Variants in ZC3H13 observed in about 807,000 individuals in gnomAD.
ZC3H13 encodes zinc finger CCCH domain-containing protein 13.
A neutral mutation model predicts 204.1 loss-of-function variants in ZC3H13; 64 were observed. That is an observed-to-expected ratio of 0.31 (90% CI 0.26 to 0.39). ZC3H13 has a LOEUF of 0.39. Ranked by LOEUF, ZC3H13 falls within the 10% of genes least tolerant of loss-of-function variation. The pLI is 1.00. For missense variants in ZC3H13, 1,833 were observed against 2,082.7 expected, an observed-to-expected ratio of 0.88 and a Z score of 2.33; for synonymous variants, 667 against 693.7, an observed-to-expected ratio of 0.96 and a Z score of 0.60.
chr13:46,021,621 T>C (rs2138829659), intron 4 of ZC3H13, among the ~76,000 whole-genome samples: 1 of 152,046 alleles, frequency 6.6e-6, no homozygotes, highest in East Asian at 1.9e-4. Flanking sequence ...GAAGTCATAC[T>C]GTAAATATTA....
chr13:45,977,741 A>G (rs1953181586), intron 11 of ZC3H13, among the ~76,000 whole-genome samples: 1 of 150,570 alleles, frequency 6.6e-6, no homozygotes, highest in African/African-American at 2.5e-5. Flanking sequence ...TGTCATCAAC[A>G]GTCTAACTAA....
At position 45,962,613 on chromosome 13, in the gene ZC3H13, C is replaced by T. The variant is rs1951769321; in HGVS notation, c.4675+1229G>A. ...ATTATATGTATTTTGTACATGTATA[C>T]TCTAGGTTTATTGGGCTATATTAAA... On this transcript the variant is annotated intron_variant, in intron 17 of 18. Transcript: ENST00000679008. 4 of 984,420 alleles carry T rather than the reference C, an allele frequency of 4.1e-6. No homozygotes were observed. The African/African-American group carries it at 5.2e-5, about 13-fold the overall frequency. The allele number at this position is 984,420 out of a possible 1,614,324, so 61.0% of individuals were successfully genotyped here.
At position 45,969,647 on chromosome 13, in the gene ZC3H13, G is replaced by A; in HGVS notation, c.2897C>T (p.Pro966Leu). The change falls in exon 14 of 19, where the codon CCA (proline) becomes CTA (leucine). Residue 966 changes from proline to leucine, a missense_variant. Pro to Leu is a moderately conservative substitution (Grantham distance 98). Around this residue, in one of 5 missense-constraint regions of ZC3H13, gnomAD observed 1,574 missense variants for 1,757.2 expected, o/e 0.90. Transcript: ENST00000679008. ...ATCATCCTCTTTCTTTTTCTTAATT[G>A]GTTTCTTTTGAATTTTTGCTTTCTT... ...NKKKAKIQKK[P>L]IKKKKEDDVG... 8.1e-6 allele frequency: 13 copies of A among 1,607,304 alleles called. No individual in the cohort carries two copies. The highest frequency in any genetic ancestry group is 1.1e-5 in the Non-Finnish European group (13 of 1,178,576).
At chr13:46,032,870 T>C (rs2042984701) in intron 4 of ZC3H13, among the ~76,000 whole-genome samples, 1 of 152,086 alleles carries the variant, frequency 6.6e-6, no homozygotes, top group Non-Finnish European at 1.5e-5. Flanking sequence ...TGGTACAGTG[T>C]TAAGTTAAAA....
chr13:45,979,572 C>T (rs1953366772), intron 11 of ZC3H13, among the ~76,000 whole-genome samples: 1 of 152,108 alleles, frequency 6.6e-6, no homozygotes, highest in Non-Finnish European at 1.5e-5. Context: ...GAGAAACACA[C>T]AGTAGGGCAC....
chr13:45,962,540 G>T (rs887702177), intron 17 of ZC3H13: 8 of 984,682 alleles, frequency 8.1e-6, no homozygotes, highest in Non-Finnish European at 8.4e-6. Flanking sequence ...AGATACAGTA[G>T]GGCAAGAACT....
rs1007320388 is a variant in ZC3H13 at position 45,955,932 on chromosome 13, C to G, written c.*1195G>C. The G allele has an allele frequency of 6.6e-6, 1 of 152,110 alleles. No homozygotes were observed. The highest frequency in any genetic ancestry group is 2.4e-5 in the African/African-American group (1 of 41,444). 9.4% of individuals were successfully genotyped at this position (152,110 alleles called of 1,614,324 possible). On this transcript the variant is annotated 3_prime_UTR_variant, in exon 19 of 19. Transcript: ENST00000679008. ...GTAATATGGGCTTACAATTATAACA[C>G]AAACCTGTGAGAGGGCATGATAAAA...
chr13:45,975,984 T>C, intron 11 of ZC3H13, 146 bp from the exon 12 acceptor site: 1 of 1,367,320 alleles, frequency 7.3e-7, no homozygotes, highest in Non-Finnish European at 9.6e-7. Context: ...TTTAACTTAA[T>C]ATCCAAGTAA....
chr13:46,026,632 GA>G (rs1302037837), intron 4 of ZC3H13, among the ~76,000 whole-genome samples: 6 of 151,652 alleles, frequency 4.0e-5, no homozygotes, highest in African/African-American at 1.2e-4. Context: ...AAAATCAAAA[GA>G]AAACACACAT....
At chr13:45,965,540 CT>C in intron 15 of ZC3H13, 108 bp from the exon 16 acceptor site, 4 of 1,015,470 alleles carry the variant, frequency 3.9e-6, no homozygotes, top group Non-Finnish European at 5.4e-6. Flanking sequence ...TGAAAAACAT[CT>C]TTTCATCAGA....
At chr13:45,978,817 A>G (rs1683475026) in intron 11 of ZC3H13, among the ~76,000 whole-genome samples, 1 of 152,102 alleles carries the variant, frequency 6.6e-6, no homozygotes, top group Non-Finnish European at 1.5e-5. Context: ...AACACAGAAC[A>G]TAGAAACTCC....
chr13:45,974,564 AT>A (rs1453264566), intron 12 of ZC3H13, among the ~76,000 whole-genome samples: 2 of 152,162 alleles, frequency 1.3e-5, no homozygotes, highest in African/African-American at 2.4e-5. Context: ...CCAAGAACAC[AT>A]TTTTTGACCC....
intron 8 of ZC3H13, 41 bp downstream of exon 8, chr13:46,003,098 T>C (rs1229214654): frequency 6.3e-7 from 1 of 1,584,554 alleles, no homozygotes; most frequent in Admixed American, 1.9e-5. Context: ...TTCTATATTC[T>C]ACAAAAGTTA....
intron 18 of ZC3H13, among the ~76,000 whole-genome samples, chr13:45,958,075 G>C (rs1372590787): frequency 3.9e-5 from 6 of 152,120 alleles, no homozygotes; most frequent in African/African-American, 1.2e-4. Flanking sequence ...AAGTAATCTT[G>C]AACCAGACTT....
chr13:46,031,003 T>C (rs1426918492), intron 4 of ZC3H13, among the ~76,000 whole-genome samples: 1 of 151,886 alleles, frequency 6.6e-6, no homozygotes, highest in African/African-American at 2.4e-5. Context: ...AGTCATGAGA[T>C]TGACACTACC....
chr13:45,967,331 A>G (rs1291993756), intron 15 of ZC3H13, among the ~76,000 whole-genome samples, 173 bp downstream of exon 15: 1 of 152,190 alleles, frequency 6.6e-6, no homozygotes, highest in Admixed American at 6.5e-5. Flanking sequence ...AAAAAAATAT[A>G]TATATCTCTA....
At chr13:46,046,626 C>G (rs1056450224) in intron 1 of ZC3H13, among the ~76,000 whole-genome samples, 1 of 151,392 alleles carries the variant, frequency 6.6e-6, no homozygotes, top group Admixed American at 6.6e-5. Context: ...CGAGATCACA[C>G]CACCGCACTC....
chr13:46,005,254 C>T (rs1355946271), intron 7 of ZC3H13, among the ~76,000 whole-genome samples: 3 of 152,158 alleles, frequency 2.0e-5, no homozygotes, highest in South Asian at 2.1e-4. Flanking sequence ...AAACTTTTTA[C>T]TCAATTTCTT....
At chr13:46,040,951 T>C (rs928817106) in intron 4 of ZC3H13, among the ~76,000 whole-genome samples, 19 of 152,172 alleles carry the variant, frequency 1.2e-4, no homozygotes, top group African/African-American at 4.6e-4. Context: ...GGTGATGATG[T>C]GCAGAAACTA....
Sources: allele counts gnomAD v4.1 joint callset (sites outside exome capture counted in the v4.1 genomes callset), GRCh38; gene constraint gnomAD v4.1.1; regional missense constraint gnomAD v4.1.1; transcripts MANE v1.5; gene names NCBI Gene and HGNC (gene_info 2026-07-23, HGNC 2026-07-21).